The following DPYD variants were observed in gnomAD, a reference collection of about 807,000 sequenced individuals.
The protein encoded by DPYD is dihydropyrimidine dehydrogenase.
DPYD carries 109 observed loss-of-function variants against 116.2 expected under a neutral mutation model. That is an observed-to-expected ratio of 0.94 (90% CI 0.80 to 1.10). The LOEUF is 1.10. DPYD is among the 50% of genes least tolerant of loss of function. The pLI is 0.00. For missense variants in DPYD, 1,302 were observed against 1,254.5 expected (o/e 1.04, Z -0.57); for synonymous variants, 440 against 432.0 (o/e 1.02, Z -0.23).
intron 20 of DPYD, among the ~76,000 whole-genome samples, chr1:97,137,064 A>G (rs1249172871): frequency 1.3e-5 from 2 of 152,238 alleles, no homozygotes; most frequent in Non-Finnish European, 2.9e-5. Flanking sequence ...GCAAATGCCA[A>G]GTAAATAGTT....
chr1:97,362,063 T>G (rs1170961630), intron 16 of DPYD, among the ~76,000 whole-genome samples: 1 of 152,208 alleles, frequency 6.6e-6, no homozygotes, highest in Admixed American at 6.5e-5. Context: ...CCCCATAGTC[T>G]CAGCCCAAAA....
chr1:97,793,992 C>T (rs900194359), intron 3 of DPYD, among the ~76,000 whole-genome samples: 1 of 152,158 alleles, frequency 6.6e-6, no homozygotes, highest in Admixed American at 6.5e-5. Flanking sequence ...AGCTAGAGTG[C>T]TGTGGTGCAA....
chr1:97,737,888 G>T (rs1664051016), intron 4 of DPYD, among the ~76,000 whole-genome samples: 1 of 151,956 alleles, frequency 6.6e-6, no homozygotes, highest in Non-Finnish European at 1.5e-5. Context: ...TTAACTTCCA[G>T]TTACTTTTAA....
intron 14 of DPYD, among the ~76,000 whole-genome samples, chr1:97,410,730 AT>A (rs1673941405): frequency 6.6e-6 from 1 of 152,076 alleles, no homozygotes; most frequent in African/African-American, 2.4e-5. Context: ...TTATAGATAG[AT>A]TTATATTTTA....
At chr1:97,378,372 C>A (rs1570624089) in intron 15 of DPYD, among the ~76,000 whole-genome samples, 1 of 152,158 alleles carries the variant, frequency 6.6e-6, no homozygotes, top group Non-Finnish European at 1.5e-5. Flanking sequence ...TAATTCATGA[C>A]ATATTGCTGT....
At chr1:97,420,598 G>C (rs1055498822) in intron 14 of DPYD, among the ~76,000 whole-genome samples, 1 of 151,988 alleles carries the variant, frequency 6.6e-6, no homozygotes, top group Non-Finnish European at 1.5e-5. Context: ...GAAACTCCTA[G>C]GCAAGCATAA....
chr1:97,208,351 C>T (rs1352435498), intron 19 of DPYD, among the ~76,000 whole-genome samples: 1 of 148,954 alleles, frequency 6.7e-6, no homozygotes, highest in Non-Finnish European at 1.5e-5. Context: ...GTGGCATGAT[C>T]ATAGCTCACT....
intron 8 of DPYD, among the ~76,000 whole-genome samples, chr1:97,665,884 A>C (rs184892445): frequency 8.3e-4 from 126 of 152,252 alleles, no homozygotes; most frequent in African/African-American, 2.1e-3. Context: ...GCTTTTTGTT[A>C]TTTCCTGGCT....
At chr1:97,546,072 G>C (rs1430377292) in intron 12 of DPYD, 6 of 1,338,672 alleles carry the variant, frequency 4.5e-6, no homozygotes, top group Non-Finnish European at 5.4e-6. Context: ...CATCACAGTA[G>C]GATCCTTAGT....
intron 2 of DPYD, among the ~76,000 whole-genome samples, chr1:97,859,020 CCT>C (rs1459756185): frequency 6.6e-6 from 1 of 151,946 alleles, no homozygotes; most frequent in African/African-American, 2.4e-5. Context: ...AACTTTTTCT[CCT>C]CTGTTATTTC....
intron 12 of DPYD, among the ~76,000 whole-genome samples, chr1:97,534,953 G>C (rs559811484): frequency 6.6e-6 from 1 of 151,982 alleles, no homozygotes; most frequent in Non-Finnish European, 1.5e-5. Context: ...AAAATGATGA[G>C]GTTCAAGATA....
chr1:97,665,204 G>A (rs968424649), intron 8 of DPYD, among the ~76,000 whole-genome samples: 10 of 152,086 alleles, frequency 6.6e-5, no homozygotes, highest in Non-Finnish European at 1.5e-5. Flanking sequence ...CAGTCAACAG[G>A]AGAGGAAAAC....
At chr1:97,774,339 A>G (rs1666290919) in intron 3 of DPYD, among the ~76,000 whole-genome samples, 1 of 152,064 alleles carries the variant, frequency 6.6e-6, no homozygotes, top group Admixed American at 6.6e-5. Flanking sequence ...AACCACCCTA[A>G]CCAGGCTGGT....
chr1:97,456,941 A>T (rs1676723702), intron 13 of DPYD, among the ~76,000 whole-genome samples: 2 of 152,052 alleles, frequency 1.3e-5, no homozygotes, highest in Admixed American at 1.3e-4. Context: ...ATGCTTTGAC[A>T]TTCTCCAGTG....
chr1:97,248,446 C>A (rs1422907146), intron 18 of DPYD, among the ~76,000 whole-genome samples: 1 of 152,158 alleles, frequency 6.6e-6, no homozygotes, highest in African/African-American at 2.4e-5. Context: ...GCCTCCCCAG[C>A]CACATGGAAC....
intron 3 of DPYD, among the ~76,000 whole-genome samples, chr1:97,787,325 A>AAT: frequency 6.6e-6 from 1 of 152,330 alleles, no homozygotes; most frequent in South Asian, 2.1e-4. Context: ...TAAACAGTGA[A>AAT]ATAGATCATA....
At chr1:97,328,714 T>C (rs1570535140) in intron 16 of DPYD, among the ~76,000 whole-genome samples, 1 of 152,092 alleles carries the variant, frequency 6.6e-6, no homozygotes, top group Non-Finnish European at 1.5e-5. Context: ...TATATCCTAC[T>C]AGAAAAGGGA....
chr1:97,177,601 T>C (rs962252431), intron 20 of DPYD, among the ~76,000 whole-genome samples: 1 of 150,638 alleles, frequency 6.6e-6, no homozygotes, highest in African/African-American at 2.4e-5. Flanking sequence ...ATAAGATATA[T>C]ATATCCTAAC....
At chr1:97,558,956 T>C (rs1470980335) in intron 11 of DPYD, among the ~76,000 whole-genome samples, 1 of 152,180 alleles carries the variant, frequency 6.6e-6, no homozygotes, top group Non-Finnish European at 1.5e-5. Context: ...AATTCTCTGT[T>C]GGATTCCCAA....
Sources: allele counts gnomAD v4.1 joint callset (sites outside exome capture counted in the v4.1 genomes callset), GRCh38; gene constraint gnomAD v4.1.1; transcripts MANE v1.5; gene names NCBI Gene and HGNC (gene_info 2026-07-23, HGNC 2026-07-21).